FLT4: variants seen among roughly 807,000 people sequenced by gnomAD.
FLT4 encodes the protein vascular endothelial growth factor receptor 3.
Under a neutral mutation model 163.2 loss-of-function variants are expected in FLT4, and 30 were observed. That is an observed-to-expected ratio of 0.18 (90% CI 0.14 to 0.25). FLT4 has a LOEUF of 0.25. Among genes scored for constraint, FLT4 ranks in the 10% least tolerant of loss-of-function variants. FLT4 has a pLI of 1.00. For missense variants in FLT4, 1,510 were observed against 1,863.8 expected (o/e 0.81, Z 3.50); for synonymous variants, 884 against 789.5 (o/e 1.12, Z -2.01).
rs1763003304 is a variant in FLT4 at position 180,620,043 on chromosome 5, C to T, written c.2542+130G>A. On this transcript the variant is annotated intron_variant, in intron 17 of 29. Coordinates refer to ENST00000261937, the MANE Select transcript of FLT4 (RefSeq NM_182925.5). The surrounding 1 kb of genome is among the most constrained non-coding windows in gnomAD (Gnocchi z 4.4). ...GGCTGAGGTTCTAGGTACCCACGCC[C>T]ACAGGGACAGGTCAGGCCAGGCGGA... The T allele has an allele frequency of 8.2e-7, 1 of 1,216,262 alleles. No individual in the cohort carries two copies. Among genetic ancestry groups the T allele is most frequent in the Non-Finnish European group, 1.2e-6 (1 of 865,510 alleles). The allele number at this position is 1,216,262 out of a possible 1,614,324, so 75.3% of individuals were successfully genotyped here. A position where few individuals can be genotyped will look rare whatever the true frequency, so the allele number is the denominator to read the frequency against.
upstream of FLT4, among the ~76,000 whole-genome samples, chr5:180,649,839 G>C (rs925333702): frequency 8.5e-5 from 13 of 152,106 alleles, no homozygotes; most frequent in African/African-American, 3.1e-4. Context: ...CTCCGGAGGT[G>C]ATGGAGCCTG....
intron 1 of FLT4, 85 bp from the exon 2 acceptor site, chr5:180,631,863 A>C: frequency 1.1e-6 from 1 of 948,068 alleles, no homozygotes; most frequent in Non-Finnish European, 1.7e-6. Context: ...TCTGCATCGC[A>C]AGCGCAGACC....
At position 180,629,768 on chromosome 5, in the gene FLT4, C is replaced by T. The variant is rs754365305; in HGVS notation, c.744G>A (p.Leu248=). 11 of 1,612,394 alleles carry T rather than the reference C, an allele frequency of 6.8e-6. No homozygotes were observed. The highest frequency in any genetic ancestry group is 8.5e-6 in the Non-Finnish European group (10 of 1,179,790). Residue 248 remains leucine, a synonymous_variant, in exon 6 of 30, where the codon CTG becomes CTA. Coordinates refer to ENST00000261937, the MANE Select transcript of FLT4 (RefSeq NM_182925.5). The part of the protein sequence containing the change: ...KSLELLVGEK[L]VLNCTVWAEF... Reference sequence around the variant, plus strand: ...CAGCCCACACGGTGCAGTTCAGGACCAGCTTCTCCCCTACCAGCAGCTCCA... The same window carrying T: ...CAGCCCACACGGTGCAGTTCAGGACTAGCTTCTCCCCTACCAGCAGCTCCA...
rs1762564643 is a variant in FLT4 at position 180,615,261 on chromosome 5, A to G, written c.3220-1082T>C. Among the ~76,000 whole-genome samples the G allele has an allele frequency of 3.0e-5, 3 of 98,498 alleles. 1 individual carries two copies. In the South Asian group the frequency reaches 1.1e-3, roughly 35 times the overall value. The allele number at this position is 98,498 out of a possible 152,430, so 64.6% of individuals were successfully genotyped here. On this transcript the variant is annotated intron_variant, in intron 23 of 29. Coordinates refer to ENST00000261937, the MANE Select transcript of FLT4 (RefSeq NM_182925.5). ...GCCCCGCTGGTCAACTCCCATCTCC[A>G]CTTCCGAAATCCACTTCCTTTCGGA...
rs2127808435 is a variant in FLT4 at position 180,619,339 on chromosome 5, G to A, written c.2675C>T (p.Ala892Val). 6.2e-7 allele frequency: 1 copy of A among 1,611,008 alleles called. No homozygotes were observed. Among genetic ancestry groups the A allele is most frequent in the Non-Finnish European group, 8.5e-7 (1 of 1,179,418 alleles). The change falls in exon 19 of 30, where the codon GCG becomes GTG. Residue 892 changes from alanine to valine, a missense_variant. Physicochemically the swap from Ala to Val is moderately conservative, Grantham distance 64. Around this residue, in one of 5 missense-constraint regions of FLT4, gnomAD observed 878 missense variants for 1,016.7 expected, o/e 0.86. Transcript: ENST00000261937. ...KEGATASEHR[A>V]LMSELKILIH... ...GAGGATCTTGAGCTCCGACATCAGC[G>A]CGCGGTGCTCGCTGGCCGTGGCGCC...
At position 180,620,783 on chromosome 5, in the gene FLT4, C is replaced by A. The variant is rs1763075941; in HGVS notation, c.2300-68G>T. On this transcript the variant is annotated intron_variant, in intron 15 of 29. Transcript: ENST00000261937. The surrounding 1 kb of genome is among the most constrained non-coding windows in gnomAD (Gnocchi z 4.4). ...AAGAGCGTGCACCTGCAGGCAGCAC[C>A]CCTTCTGGTGGCCACGACTTGCCCA... is the stretch of plus-strand genomic sequence containing the variant. The A allele has an allele frequency of 6.3e-7, 1 of 1,599,000 alleles. No homozygotes were observed. The highest frequency in any genetic ancestry group is 8.6e-7 in the Non-Finnish European group (1 of 1,169,238).
chr5:180,633,067 G>T (rs367844525), intron 1 of FLT4, among the ~76,000 whole-genome samples: 1 of 152,116 alleles, frequency 6.6e-6, no homozygotes, highest in African/African-American at 2.4e-5. Context: ...CCAGGGTCCC[G>T]CCCTGAAGCT....
At position 180,626,276 on chromosome 5, in the gene FLT4, A is replaced by G; in HGVS notation, c.1104-11T>C. 2 of 1,610,878 alleles carry G rather than the reference A, an allele frequency of 1.2e-6. No homozygotes were observed. Among genetic ancestry groups the G allele is most frequent in the Non-Finnish European group, 8.5e-7 (1 of 1,179,926 alleles). ...TTTCCATCCTTGTACCTGGCCAGGG[A>G]AGGGAGGTCAGGGCCCATACAGATC... On this transcript the variant is annotated splice_polypyrimidine_tract_variant and intron_variant, in intron 8 of 29. Transcript: ENST00000261937.
At chr5:180,646,335 C>A (rs573053182) in intron 1 of FLT4, among the ~76,000 whole-genome samples, 1 of 152,280 alleles carries the variant, frequency 6.6e-6, no homozygotes, top group South Asian at 2.1e-4. Context: ...GTTCCTGTCT[C>A]CCCTGGACAC....
At chr5:180,637,132 A>G (rs1187618051) in intron 1 of FLT4, among the ~76,000 whole-genome samples, 1 of 151,990 alleles carries the variant, frequency 6.6e-6, no homozygotes, top group Admixed American at 6.6e-5. Context: ...AGGCGGGCGG[A>G]CCATCCTGGC....
chr5:180,614,732 C>T (rs1320751142), intron 23 of FLT4, among the ~76,000 whole-genome samples: 10 of 152,134 alleles, frequency 6.6e-5, no homozygotes, highest in African/African-American at 2.4e-4. Context: ...AGCACCCCCA[C>T]TCCCCTCTCT....
intron 1 of FLT4, among the ~76,000 whole-genome samples, chr5:180,648,739 C>G (rs1032253743): frequency 1.3e-5 from 2 of 152,060 alleles, no homozygotes; most frequent in Non-Finnish European, 2.9e-5. Context: ...CATCCCAACA[C>G]AAACCGAACC....
At chr5:180,625,349 T>C (rs1253851430) in intron 10 of FLT4, among the ~76,000 whole-genome samples, 2 of 152,206 alleles carry the variant, frequency 1.3e-5, no homozygotes, top group African/African-American at 4.8e-5. Context: ...CTTACAGCTG[T>C]GCCCCTGGGA....
rs1761546526 is a variant in FLT4 at position 180,602,069 on chromosome 5, C to T, written c.*1123G>A. The T allele has an allele frequency of 8.6e-6, 2 of 233,364 alleles. No individual in the cohort carries two copies. The highest frequency in any genetic ancestry group is 1.7e-5 in the Non-Finnish European group (2 of 118,224). 14.5% of individuals were successfully genotyped at this position (233,364 alleles called of 1,614,324 possible). On this transcript the variant is annotated 3_prime_UTR_variant, in exon 30 of 30. Transcript: ENST00000261937. ...CTCGGCTGCTCCTCTGGGAGGGCGG[C>T]ATTCTGACCAGCCAGGGTGCTGATG...
Position 180,626,090 on chromosome 5 carries a change from G to C in FLT4, c.1258+21C>G. ...CCAATGCCAGGCCGCCCACCCGTGCGCTCTCCCGTCCCTGACCTACCATTC... is the reference window on the plus strand; with the variant it reads ...CCAATGCCAGGCCGCCCACCCGTGCCCTCTCCCGTCCCTGACCTACCATTC... On this transcript the variant is annotated intron_variant, in intron 9 of 29. Transcript: ENST00000261937. The C allele has an allele frequency of 1.9e-6, 3 of 1,612,680 alleles. No homozygotes were observed. In the South Asian group the frequency reaches 3.3e-5, roughly 18 times the overall value.
At chr5:180,618,744 G>A in intron 21 of FLT4, 26 bp downstream of exon 21, 1 of 1,577,446 alleles carries the variant, frequency 6.3e-7, no homozygotes, top group Non-Finnish European at 8.6e-7. Flanking sequence ...CAGGCACTAG[G>A]AAAAGGGAAG....
Position 180,631,672 on chromosome 5 carries a change from G to A in FLT4, c.155+10C>T. ...CTCTCTGGCCTGCCAGTGGGAGAGG[G>A]ACCCAGTACCTGCAGGAGATGGACA... is the stretch of plus-strand genomic sequence containing the variant. On this transcript the variant is annotated intron_variant, in intron 2 of 29. Transcript: ENST00000261937. The A allele has an allele frequency of 6.2e-7, 1 of 1,600,756 alleles. No homozygotes were observed.
rs115624995 is a variant in FLT4, at chr5:180,629,514, G to A, written c.817-87C>T. ...AGGCACACCTCCCAGCCCAGCCAGC[G>A]GTGGCTCCGGAAGCCCTGGACCCAG... is the stretch of plus-strand genomic sequence containing the variant. On this transcript the variant is annotated intron_variant, in intron 6 of 29. Transcript: ENST00000261937. 779 of 1,540,146 alleles carry A rather than the reference G, an allele frequency of 5.1e-4. 1 individual carries two copies. The African/African-American group carries it at 7.5e-3, about 15-fold the overall frequency.
At chr5:180,610,996 G>C (rs1278351683) in intron 27 of FLT4, among the ~76,000 whole-genome samples, 6 of 152,214 alleles carry the variant, frequency 3.9e-5, no homozygotes, top group Non-Finnish European at 8.8e-5. Flanking sequence ...GGCGGAGCTT[G>C]CGGTGAGCCG....
Sources: allele counts gnomAD v4.1 joint callset (sites outside exome capture counted in the v4.1 genomes callset), GRCh38; gene constraint gnomAD v4.1.1; regional missense constraint gnomAD v4.1.1; non-coding constraint Gnocchi (gnomAD v3.1); transcripts MANE v1.5; gene names NCBI Gene and HGNC (gene_info 2026-07-23, HGNC 2026-07-21).